The following AKAP19 variants were observed in gnomAD, a reference collection of about 807,000 sequenced individuals.
AKAP19 encodes the protein A-kinase anchoring protein 19.
chr2:190,114,345 A>C, the AKAP19 span, among the ~76,000 whole-genome samples: 1 of 152,134 alleles, frequency 6.6e-6, no homozygotes, highest in Non-Finnish European at 1.5e-5. Context: ...TTTCCTGGAG[A>C]ATGGCCTATA....
chr2:190,198,179 C>T, the AKAP19 span, among the ~76,000 whole-genome samples: 28 of 151,968 alleles, frequency 1.8e-4, no homozygotes, highest in East Asian at 4.4e-3. Flanking sequence ...TTCTTACCCT[C>T]ATATCACTCT....
chr2:190,191,146 T>C, the AKAP19 span, among the ~76,000 whole-genome samples: 6 of 152,246 alleles, frequency 3.9e-5, no homozygotes, highest in African/African-American at 1.4e-4. Context: ...ATTTTTTTTC[T>C]TTATTTTTTG....
chr2:190,184,010 G>A, the AKAP19 span, among the ~76,000 whole-genome samples: 2 of 151,876 alleles, frequency 1.3e-5, no homozygotes, highest in Admixed American at 6.6e-5. Flanking sequence ...AGTATACTAT[G>A]CACAACATGC....
the AKAP19 span, among the ~76,000 whole-genome samples, chr2:189,944,442 AC>A: frequency 1.3e-5 from 2 of 152,162 alleles, no homozygotes; most frequent in African/African-American, 4.8e-5. Flanking sequence ...TATAAAGCCT[AC>A]AGAGCTGTGA....
the AKAP19 span, among the ~76,000 whole-genome samples, chr2:190,163,172 C>T: frequency 1.3e-5 from 2 of 152,068 alleles, no homozygotes; most frequent in Non-Finnish European, 1.5e-5. Context: ...CGGTGGCTCA[C>T]GCCTGTAATC....
chr2:190,193,736 G>C, the AKAP19 span, among the ~76,000 whole-genome samples: 8 of 152,090 alleles, frequency 5.3e-5, no homozygotes, highest in Admixed American at 3.3e-4. Context: ...GTATAGAGAT[G>C]TATCTATTAG....
the AKAP19 span, among the ~76,000 whole-genome samples, chr2:190,029,027 T>G: frequency 0.64 from 96,417 of 151,810 alleles, 34,654 homozygotes; most frequent in East Asian, 0.83. Context: ...TCGAGTGTGG[T>G]GAGGTGTGGT....
At chr2:190,144,885 G>A in the AKAP19 span, among the ~76,000 whole-genome samples, 2 of 152,080 alleles carry the variant, frequency 1.3e-5, no homozygotes, top group Non-Finnish European at 2.9e-5. Flanking sequence ...GCTGAGGCAG[G>A]AGAATCACTT....
chr2:190,133,327 G>T, the AKAP19 span, among the ~76,000 whole-genome samples: 3 of 145,920 alleles, frequency 2.1e-5, no homozygotes, highest in Non-Finnish European at 3.0e-5. Flanking sequence ...ACAGGTATAT[G>T]AAAAAAACAT....
At chr2:190,078,398 T>C in the AKAP19 span, among the ~76,000 whole-genome samples, 2 of 152,084 alleles carry the variant, frequency 1.3e-5, no homozygotes, top group Non-Finnish European at 2.9e-5. Flanking sequence ...TGGCCTGAAA[T>C]AGAAGTCCCC....
At chr2:189,988,819 A>G in the AKAP19 span, among the ~76,000 whole-genome samples, 1 of 152,194 alleles carries the variant, frequency 6.6e-6, no homozygotes, top group Non-Finnish European at 1.5e-5. Flanking sequence ...AGGTATTGTC[A>G]TGTACTAATT....
At chr2:190,197,905 T>A in the AKAP19 span, among the ~76,000 whole-genome samples, 12 of 152,224 alleles carry the variant, frequency 7.9e-5, no homozygotes, top group African/African-American at 2.7e-4. The surrounding 1 kb of genome is among the most constrained non-coding windows in gnomAD (Gnocchi z 4.0). Context: ...CTGACACTCA[T>A]TGAGTTCTCC....
the AKAP19 span, among the ~76,000 whole-genome samples, chr2:189,965,540 C>CA: frequency 3.3e-3 from 506 of 151,546 alleles, 12 homozygotes; most frequent in Non-Finnish European, 1.3e-3. Context: ...AACAAACATA[C>CA]AAAAAAATCC....
At chr2:189,902,678 AG>A in the AKAP19 span, among the ~76,000 whole-genome samples, 1 of 152,064 alleles carries the variant, frequency 6.6e-6, no homozygotes, top group East Asian at 1.9e-4. Context: ...CATCTATATT[AG>A]GTCTCAGAAA....
the AKAP19 span, among the ~76,000 whole-genome samples, chr2:190,178,888 C>T: frequency 6.6e-6 from 1 of 152,258 alleles, no homozygotes; most frequent in East Asian, 1.9e-4. The surrounding 1 kb of genome is among the most constrained non-coding windows in gnomAD (Gnocchi z 6.3). Flanking sequence ...CTGACGCCAT[C>T]CCCTCAGTGT....
the AKAP19 span, among the ~76,000 whole-genome samples, chr2:190,151,217 A>T: frequency 1.1e-4 from 16 of 152,138 alleles, no homozygotes; most frequent in South Asian, 6.2e-4. Context: ...GATTTTTTTT[A>T]AATTTTAAGT....
chr2:190,059,331 T>C, the AKAP19 span, among the ~76,000 whole-genome samples: 41 of 152,128 alleles, frequency 2.7e-4, no homozygotes, highest in Middle Eastern at 3.4e-3. Context: ...TAAGGTATTG[T>C]CATTTACTTG....
At chr2:189,968,146 T>C in the AKAP19 span, among the ~76,000 whole-genome samples, 4 of 152,070 alleles carry the variant, frequency 2.6e-5, no homozygotes, top group Admixed American at 6.6e-5. Context: ...GAAAGAAATA[T>C]AGAAGAAGTG....
At chr2:190,128,663 G>T in the AKAP19 span, among the ~76,000 whole-genome samples, 9 of 152,118 alleles carry the variant, frequency 5.9e-5, no homozygotes, top group Non-Finnish European at 1.0e-4. Context: ...ACCCAGAATT[G>T]CCATCATAGA....
Sources: allele counts gnomAD v4.1 joint callset (sites outside exome capture counted in the v4.1 genomes callset), GRCh38; gene constraint gnomAD v4.1.1; non-coding constraint Gnocchi (gnomAD v3.1); transcripts MANE v1.5; gene names NCBI Gene and HGNC (gene_info 2026-07-23, HGNC 2026-07-21).